Variants in ABCA13 observed in about 807,000 individuals in gnomAD.
ABCA13 encodes the protein ATP binding cassette subfamily A member 13, also known as ATP-binding cassette sub-family A member 13.
In ABCA13, 476 loss-of-function variants were observed where a neutral mutation model predicts 478.7. The ratio of observed to expected loss-of-function variants is 0.99; its 90% CI spans 0.92 to 1.07. The LOEUF (loss-of-function observed/expected upper bound fraction) is 1.07, where lower values mean the gene tolerates loss of function less well. Among genes scored for constraint, ABCA13 ranks in the 50% least tolerant of loss-of-function variants. The pLI is 0.00. For missense variants in ABCA13, 6,060 were observed against 5,910.6 expected, an observed-to-expected ratio of 1.03 and a Z score of -0.83; for synonymous variants, 2,252 against 2,158.9, an observed-to-expected ratio of 1.04 and a Z score of -1.20.
intron 55 of ABCA13, among the ~76,000 whole-genome samples, chr7:48,551,929 G>A (rs759903438): frequency 2.1e-4 from 32 of 151,654 alleles, no homozygotes; most frequent in Admixed American, 5.3e-4. Context: ...GAGGTCCAAG[G>A]CAGCCTCACT....
At chr7:48,399,844 G>C (rs1276196208) in intron 38 of ABCA13, among the ~76,000 whole-genome samples, 1 of 152,176 alleles carries the variant, frequency 6.6e-6, no homozygotes, top group Non-Finnish European at 1.5e-5. Context: ...GGAGACACCT[G>C]CCCCACATGG....
chr7:48,352,414 C>T lies in ABCA13; in HGVS notation c.10615C>T (p.Gln3539Ter), dbSNP rs370669847. 112 of 1,613,142 alleles carry T rather than the reference C, an allele frequency of 6.9e-5. No individual in the cohort carries two copies. The highest frequency in any genetic ancestry group is 3.3e-4 in the Middle Eastern group (2 of 6,080). ...DMIERAIILV[Q>*]TGQEALEPAA... Reference sequence around the variant, plus strand: ...GATCGAAAGAGCCATCATTTTGGTGCAGACTGGGCAGGAAGCCCTGGAACC... The same window carrying T: ...GATCGAAAGAGCCATCATTTTGGTGTAGACTGGGCAGGAAGCCCTGGAACC... The change falls in exon 31 of 62, where the codon CAG (glutamine) becomes TAG (stop). Residue 3539 changes from glutamine to a stop codon, truncating the protein, a stop_gained. Coordinates refer to ENST00000435803, the MANE Select transcript of ABCA13 (RefSeq NM_152701.5). LOFTEE classifies it high-confidence loss of function.
intron 13 of ABCA13, among the ~76,000 whole-genome samples, chr7:48,247,907 A>G (rs1338216748): frequency 6.6e-6 from 1 of 152,064 alleles, no homozygotes; most frequent in Non-Finnish European, 1.5e-5. Context: ...AGCCTAGAGG[A>G]ATTGTGGAAG....
At chr7:48,640,148 A>C (rs1474323360) in intron 59 of ABCA13, among the ~76,000 whole-genome samples, 1 of 152,158 alleles carries the variant, frequency 6.6e-6, no homozygotes, top group East Asian at 1.9e-4. Context: ...TCTCTTCATT[A>C]AATATTATTT....
chr7:48,558,224 CCTTTCT>C (rs1207939031), intron 55 of ABCA13, among the ~76,000 whole-genome samples: 2 of 121,450 alleles, frequency 1.6e-5, no homozygotes, highest in Admixed American at 1.7e-4. Flanking sequence ...TTTCTCTTTC[CCTTTCT>C]CTTTCTCTCT....
chr7:48,264,326 A>G (rs567834138), intron 15 of ABCA13, among the ~76,000 whole-genome samples: 1 of 151,910 alleles, frequency 6.6e-6, no homozygotes, highest in South Asian at 2.1e-4. Context: ...ATTATGTGGG[A>G]GTTGTATGCT....
intron 1 of ABCA13, among the ~76,000 whole-genome samples, chr7:48,189,576 C>T (rs149665679): frequency 0.2 from 30,890 of 152,186 alleles, 3,391 homozygotes; most frequent in Middle Eastern, 0.25. Context: ...AGAGAAACTT[C>T]TCAACGATAA....
In ABCA13 at chr7:48,516,780, G is replaced by A. The variant is rs934316366; in HGVS notation, c.13696G>A (p.Val4566Met). Residue 4566 changes from valine (V) to methionine (M), a missense_variant, in exon 52 of 62, where the codon GTG becomes ATG. By Grantham distance (21) the Val-to-Met change is conservative. This residue lies in a region of ABCA13 where 1,627 missense variants were observed against 1,571.0 expected (regional missense o/e 1.04). Transcript: ENST00000435803. The stretch of plus-strand genomic sequence containing the variant: ...GTCCAGAATCTTTTCCAGTTCGGAC[G>A]TGGCTTTCATTTCCTATGTCTCACT... Reference protein sequence around the residue: ...LMSRIFSSSDVAFISYVSLNF... With the variant: ...LMSRIFSSSDMAFISYVSLNF... The A allele has an allele frequency of 1.8e-5, 29 of 1,613,648 alleles. No individual in the cohort carries two copies. The highest frequency in any genetic ancestry group is 1.6e-4 in the Middle Eastern group (1 of 6,080).
chr7:48,463,772 AGAACG>A (rs1563300012), intron 43 of ABCA13, among the ~76,000 whole-genome samples: 3 of 145,740 alleles, frequency 2.1e-5, no homozygotes, highest in East Asian at 2.1e-4. Context: ...GGAAGGGAAA[AGAACG>A]GAATGGAATG....
intron 59 of ABCA13, among the ~76,000 whole-genome samples, chr7:48,634,804 C>G (rs1794490854): frequency 6.6e-6 from 1 of 152,136 alleles, no homozygotes; most frequent in African/African-American, 2.4e-5. Flanking sequence ...TTAGCTACGT[C>G]TCATAAGCTT....
intron 50 of ABCA13, among the ~76,000 whole-genome samples, chr7:48,509,902 A>G (rs1456003068): frequency 6.6e-6 from 1 of 152,236 alleles, no homozygotes; most frequent in East Asian, 1.9e-4. Flanking sequence ...ATGTGAGGAC[A>G]CAGTGAGAAG....
In ABCA13 at chr7:48,275,932, T is replaced by A. The variant is rs1296055906; in HGVS notation, c.6266T>A (p.Ile2089Lys). ...LSEMNKGIKS[I>K]NSMALQKITL... ...GAAATGAACAAAGGAATCAAAAGTATAAATTCAATGGCTCTTCAAAAGATA... is the reference window on the plus strand; with the variant it reads ...GAAATGAACAAAGGAATCAAAAGTAAAAATTCAATGGCTCTTCAAAAGATA... The change falls in exon 17 of 62, where the codon ATA becomes AAA. Residue 2089 changes from isoleucine to lysine, a missense_variant. Ile to Lys is a moderately radical substitution (Grantham distance 102). Transcript: ENST00000435803. 5.0e-6 allele frequency: 8 copies of A among 1,613,622 alleles called. No homozygotes were observed. Among genetic ancestry groups the A allele is most frequent in the Admixed American group, 1.7e-5 (1 of 59,980 alleles).
Position 48,366,633 on chromosome 7 carries a change from C to A in ABCA13, c.10689-1161C>A, listed in dbSNP as rs116141422. ...GAAAGTGTAAGGGGAAGAGGGTGTGCGCTCCATACATGAGAGGCAACCCTG... is the reference window on the plus strand; with the variant it reads ...GAAAGTGTAAGGGGAAGAGGGTGTGAGCTCCATACATGAGAGGCAACCCTG... On this transcript the variant is annotated intron_variant, in intron 31 of 61. Coordinates refer to ENST00000435803, the MANE Select transcript of ABCA13 (RefSeq NM_152701.5). 3.9e-3 allele frequency among the ~76,000 whole-genome samples: 586 copies of A among 152,000 alleles called. 2 individuals carry two copies. Among genetic ancestry groups the A allele is most frequent in the African/African-American group, 0.013 (548 of 41,490 alleles).
At chr7:48,270,445 A>C (rs1671050447) in intron 16 of ABCA13, among the ~76,000 whole-genome samples, 2 of 152,030 alleles carry the variant, frequency 1.3e-5, no homozygotes, top group South Asian at 4.2e-4. Context: ...CTACTCCATA[A>C]CCCTCTCAGT....
intron 55 of ABCA13, among the ~76,000 whole-genome samples, chr7:48,541,808 G>A (rs1182125384): frequency 6.8e-6 from 1 of 148,096 alleles, no homozygotes; most frequent in Admixed American, 6.8e-5. Flanking sequence ...AAGGAAAGTT[G>A]ACAGATAACA....
At chr7:48,422,055 C>CAAAAAAAAAAAA (rs4022355) in intron 41 of ABCA13, among the ~76,000 whole-genome samples, 14 of 80,564 alleles carry the variant, frequency 1.7e-4, no homozygotes, top group Non-Finnish European at 2.4e-4. Flanking sequence ...GTCTTTCTTA[C>CAAAAAAAAAAAA]AAAAAAAAAA....
intron 3 of ABCA13, among the ~76,000 whole-genome samples, chr7:48,209,209 TTTAAATGTAATATTAAATTCAG>T (rs1264865075): frequency 2.6e-5 from 4 of 152,126 alleles, no homozygotes; most frequent in African/African-American, 9.7e-5. Context: ...TACATGTAAA[TTTAAATGTAATATTAAATTCAG>T]TTAAATGTAA....
chr7:48,476,610 A>G (rs1828121334), intron 45 of ABCA13, among the ~76,000 whole-genome samples: 6 of 152,142 alleles, frequency 3.9e-5, no homozygotes, highest in Admixed American at 3.9e-4. Context: ...CATTTGGTGA[A>G]GAGGCTGACC....
chr7:48,466,741 G>T (rs17662478), intron 43 of ABCA13, among the ~76,000 whole-genome samples: 22 of 152,052 alleles, frequency 1.4e-4, no homozygotes, highest in African/African-American at 5.1e-4. Flanking sequence ...CATATCTGAT[G>T]GCAAAACTAT....
Sources: allele counts gnomAD v4.1 joint callset (sites outside exome capture counted in the v4.1 genomes callset), GRCh38; gene constraint gnomAD v4.1.1; regional missense constraint gnomAD v4.1.1; transcripts MANE v1.5; gene names NCBI Gene and HGNC (gene_info 2026-07-23, HGNC 2026-07-21).